The following CBLB variants were observed in gnomAD, a reference collection of about 807,000 sequenced individuals.
CBLB encodes the protein E3 ubiquitin-protein ligase CBL-B.
In CBLB, 31 loss-of-function variants were observed where a neutral mutation model predicts 104.9. That is an observed-to-expected ratio of 0.30 (90% CI 0.22 to 0.40). CBLB has a LOEUF of 0.40. Ranked by LOEUF, CBLB falls within the 10% of genes least tolerant of loss-of-function variation. CBLB has a pLI of 1.00. For missense variants in CBLB, 1,062 were observed against 1,214.6 expected (o/e 0.87, Z 1.87); for synonymous variants, 440 against 422.6 (o/e 1.04, Z -0.51).
chr3:105,740,758 C>A (rs901086349), intron 6 of CBLB, 127 bp from the exon 7 acceptor site: 3 of 799,728 alleles, frequency 3.8e-6, no homozygotes, highest in African/African-American at 3.4e-5. Context: ...TCCTCATATT[C>A]TGTCTTCTAA....
chr3:105,858,918 A>C (rs948170192), intron 2 of CBLB, among the ~76,000 whole-genome samples: 1 of 152,196 alleles, frequency 6.6e-6, no homozygotes, highest in Non-Finnish European at 1.5e-5. Flanking sequence ...CATGAATAAA[A>C]ATATATTATT....
chr3:105,799,336 T>C (rs928893320), intron 3 of CBLB, among the ~76,000 whole-genome samples: 1 of 152,114 alleles, frequency 6.6e-6, no homozygotes, highest in African/African-American at 2.4e-5. Context: ...AAGAGAACAT[T>C]AGAGCATGGA....
At chr3:105,758,645 A>G (rs761071082) in intron 4 of CBLB, among the ~76,000 whole-genome samples, 1 of 152,260 alleles carries the variant, frequency 6.6e-6, no homozygotes, top group Non-Finnish European at 1.5e-5. Flanking sequence ...ACAAGTGAGC[A>G]TGGAGTCCAG....
chr3:105,796,390 T>G (rs1577271369), intron 3 of CBLB, among the ~76,000 whole-genome samples: 1 of 152,158 alleles, frequency 6.6e-6, no homozygotes, highest in Admixed American at 6.5e-5. Flanking sequence ...CTGGCTAGCA[T>G]GCAGAAGATT....
At chr3:105,832,939 G>A (rs1309594774) in intron 3 of CBLB, among the ~76,000 whole-genome samples, 1 of 152,142 alleles carries the variant, frequency 6.6e-6, no homozygotes, top group African/African-American at 2.4e-5. Flanking sequence ...GATCACTCAG[G>A]GAAGGCCTCT....
rs563806389 is a variant in CBLB at position 105,794,937 on chromosome 3, G to A, written c.420-18395C>T. Among the ~76,000 whole-genome samples, 5 of 145,800 alleles carry A rather than the reference G, an allele frequency of 3.4e-5. No individual in the cohort carries two copies. In the South Asian group the frequency reaches 1.1e-3, roughly 32 times the overall value. The stretch of plus-strand genomic sequence containing the variant: ...TGGCAACTTTTTTTTTTTTTTTTGA[G>A]ATGGAGTCTCACTCTGTCGCCGGGC... On this transcript the variant is annotated intron_variant, in intron 3 of 18. Transcript: ENST00000394030.
At chr3:105,799,414 T>C (rs1246944309) in intron 3 of CBLB, among the ~76,000 whole-genome samples, 1 of 152,136 alleles carries the variant, frequency 6.6e-6, no homozygotes, top group African/African-American at 2.4e-5. Context: ...GTACCATTTG[T>C]TAAATAGATG....
chr3:105,731,274 T>C (rs1325515216), intron 9 of CBLB, among the ~76,000 whole-genome samples: 1 of 152,124 alleles, frequency 6.6e-6, no homozygotes. Context: ...ACCTAACAAA[T>C]AAATACAGTA....
chr3:105,694,646 G>C (rs1464634216), intron 12 of CBLB, among the ~76,000 whole-genome samples: 1 of 151,744 alleles, frequency 6.6e-6, no homozygotes, highest in Non-Finnish European at 1.5e-5. Context: ...CTTAAAATAA[G>C]AAACAAGTTT....
At chr3:105,752,718 C>A (rs1274052645) in intron 4 of CBLB, among the ~76,000 whole-genome samples, 1 of 152,188 alleles carries the variant, frequency 6.6e-6, no homozygotes, top group Non-Finnish European at 1.5e-5. Flanking sequence ...CTTTCATATT[C>A]ATTCAATAAT....
intron 4 of CBLB, among the ~76,000 whole-genome samples, chr3:105,760,834 A>C (rs1447297931): frequency 6.6e-6 from 1 of 152,218 alleles, no homozygotes; most frequent in African/African-American, 2.4e-5. Flanking sequence ...CTTTTAATAA[A>C]ACTACTGATA....
intron 4 of CBLB, among the ~76,000 whole-genome samples, chr3:105,770,262 C>T (rs2078710333): frequency 6.6e-6 from 1 of 151,964 alleles, no homozygotes; most frequent in South Asian, 2.1e-4. Flanking sequence ...TAGCCTACTA[C>T]GTGAGACAGG....
chr3:105,710,231 T>C (rs187459683), intron 10 of CBLB, among the ~76,000 whole-genome samples: 3 of 152,046 alleles, frequency 2.0e-5, no homozygotes, highest in East Asian at 1.9e-4. Flanking sequence ...CATGTGTTAA[T>C]GAATGACTAA....
At chr3:105,715,483 C>T (rs1390621472) in intron 10 of CBLB, among the ~76,000 whole-genome samples, 1 of 152,042 alleles carries the variant, frequency 6.6e-6, no homozygotes, top group East Asian at 1.9e-4. Context: ...TTATGAACTC[C>T]AGCTGTGGGA....
intron 3 of CBLB, among the ~76,000 whole-genome samples, chr3:105,830,101 T>C (rs1261840946): frequency 6.6e-6 from 1 of 152,184 alleles, no homozygotes; most frequent in African/African-American, 2.4e-5. Context: ...TCACACTTTC[T>C]ACCTCCTCCC....
At chr3:105,741,107 T>G (rs1002787760) in intron 6 of CBLB, among the ~76,000 whole-genome samples, 1 of 147,406 alleles carries the variant, frequency 6.8e-6, no homozygotes, top group African/African-American at 2.5e-5. Context: ...TTTTTTTTTT[T>G]TTTTTTTTTT....
intron 8 of CBLB, among the ~76,000 whole-genome samples, chr3:105,734,756 C>T (rs889284943): frequency 6.6e-6 from 1 of 152,184 alleles, no homozygotes; most frequent in Admixed American, 6.5e-5. Context: ...TTGCTTCAAA[C>T]TCTAAATTAA....
chr3:105,838,618 A>G (rs2088997730), intron 3 of CBLB, among the ~76,000 whole-genome samples: 1 of 152,000 alleles, frequency 6.6e-6, no homozygotes, highest in African/African-American at 2.4e-5. Context: ...GAGAATTGCA[A>G]TCCATCTTTT....
intron 11 of CBLB, 77 bp from the exon 12 acceptor site, chr3:105,702,536 C>T (rs1024549360): frequency 7.2e-7 from 1 of 1,379,648 alleles, no homozygotes; most frequent in African/African-American, 1.7e-5. Context: ...AACTTCCAAA[C>T]TAGTGTATTA....
Sources: allele counts gnomAD v4.1 joint callset (sites outside exome capture counted in the v4.1 genomes callset), GRCh38; gene constraint gnomAD v4.1.1; transcripts MANE v1.5; gene names NCBI Gene and HGNC (gene_info 2026-07-23, HGNC 2026-07-21).